The following CD44 variants were observed in gnomAD, a reference collection of about 807,000 sequenced individuals.
CD44 encodes CD44 molecule (IN blood group).
A neutral mutation model predicts 88.8 loss-of-function variants in CD44; 49 were observed. The observed-to-expected ratio is 0.55, with a 90% CI of 0.44 to 0.70. The LOEUF is 0.70. Among genes scored for constraint, CD44 ranks in the 30% least tolerant of loss-of-function variants. The probability of loss-of-function intolerance (pLI) is 0.00; values close to 1 mark genes in which losing one functional copy is unlikely to be tolerated. For synonymous variants in CD44, 325 were observed against 312.3 expected (o/e 1.04, Z -0.43); for missense variants, 883 against 913.8 (o/e 0.97, Z 0.43).
chr11:35,176,894 G>C, intron 2 of CD44, 154 bp downstream of exon 2: 1 of 657,408 alleles, frequency 1.5e-6, no homozygotes, highest in Non-Finnish European at 2.5e-6. Context: ...TCTGCAACCT[G>C]TATGACAACT....
intron 3 of CD44, among the ~76,000 whole-genome samples, chr11:35,181,935 AAT>A (rs1945142918): frequency 2.1e-5 from 1 of 46,916 alleles, no homozygotes; most frequent in South Asian, 6.2e-4. Context: ...ATTATATATA[AAT>A]TATATATAAT....
intron 13 of CD44, chr11:35,210,403 C>T (rs1324399387): frequency 6.4e-6 from 1 of 155,268 alleles, no homozygotes; most frequent in Non-Finnish European, 1.4e-5. Context: ...AAATTTAGTG[C>T]TATAAATTTC....
rs1386259610 is a variant in CD44 at position 35,201,768 on chromosome 11, C to G, written c.1134C>G (p.Thr378=). 3 of 1,613,534 alleles carry G rather than the reference C, an allele frequency of 1.9e-6. No individual in the cohort carries two copies. The African/African-American group carries it at 4.0e-5, about 22-fold the overall frequency. The change falls in exon 9 of 18, where the codon ACC becomes ACG. Residue 378 remains threonine (T), a synonymous_variant. Transcript: ENST00000428726. ...ATGAGCATCATGAGGAAGAAGAGAC[C>G]CCACATTCTACAAGCACAAGTAAGC... ...IHHEHHEEEE[T]PHSTSTIQAT...
At chr11:35,207,309 A>G (rs145102577) in intron 11 of CD44, among the ~76,000 whole-genome samples, 2 of 152,296 alleles carry the variant, frequency 1.3e-5, no homozygotes, top group East Asian at 1.9e-4. Context: ...GACTGATTAA[A>G]TCTCCCCCAG....
chr11:35,179,185 G>A (rs544230742), intron 2 of CD44, among the ~76,000 whole-genome samples: 4 of 152,300 alleles, frequency 2.6e-5, no homozygotes, highest in East Asian at 1.9e-4. Flanking sequence ...TCCATGGGTC[G>A]TGCAGGGTGA....
At chr11:35,150,567 T>G (rs1358289032) in intron 1 of CD44, among the ~76,000 whole-genome samples, 1 of 152,230 alleles carries the variant, frequency 6.6e-6, no homozygotes, top group East Asian at 1.9e-4. Flanking sequence ...AGTCACTGAA[T>G]GTCCTTCGTC....
chr11:35,140,283 C>G (rs536902168), intron 1 of CD44, among the ~76,000 whole-genome samples: 1 of 152,182 alleles, frequency 6.6e-6, no homozygotes, highest in Non-Finnish European at 1.5e-5. Flanking sequence ...TATTCTAGCA[C>G]GGCTCAACTC....
In CD44 at chr11:35,229,884, G is replaced by T. The variant is rs1949974311; in HGVS notation, c.*551G>T. 6.5e-6 allele frequency: 1 copy of T among 154,804 alleles called. No individual in the cohort carries two copies. Among genetic ancestry groups the T allele is most frequent in the East Asian group, 1.9e-4 (1 of 5,244 alleles). 9.6% of individuals were successfully genotyped at this position (154,804 alleles called of 1,614,324 possible). On this transcript the variant is annotated 3_prime_UTR_variant, in exon 18 of 18. Transcript: ENST00000428726. ...ACCCAAAGGGTGAAGCTATTTATCT[G>T]TAGTAAACTATTTATCTGTGTTTTT...
intron 15 of CD44, among the ~76,000 whole-genome samples, chr11:35,216,904 A>T (rs1399089801): frequency 2.6e-5 from 4 of 152,326 alleles, no homozygotes; most frequent in Non-Finnish European, 4.4e-5. Flanking sequence ...GTTTATATGC[A>T]CATTAAAATT....
At chr11:35,161,291 T>A (rs77232913) in intron 1 of CD44, among the ~76,000 whole-genome samples, 2,423 of 152,298 alleles carry the variant, frequency 0.016, 68 homozygotes, top group African/African-American at 0.055. Flanking sequence ...ATTTTACTGA[T>A]GAAGAGACTG....
chr11:35,148,149 T>C (rs1590888798), intron 1 of CD44, among the ~76,000 whole-genome samples: 1 of 151,736 alleles, frequency 6.6e-6, no homozygotes, highest in South Asian at 2.1e-4. Flanking sequence ...ACACCTGGTC[T>C]CCTGCGTTTG....
Position 35,219,340 on chromosome 11 carries a change from G to T in CD44, c.1898G>T (p.Gly633Val). 6.2e-7 allele frequency: 1 copy of T among 1,613,860 alleles called. No homozygotes were observed. The highest frequency in any genetic ancestry group is 8.5e-7 in the Non-Finnish European group (1 of 1,179,850). The stretch of plus-strand genomic sequence containing the variant: ...GGACACTCACATGGGAGTCAAGAAG[G>T]TGGAGCAAACACAACCTCTGGTCCT... ...SDGHSHGSQE[G>V]GANTTSGPIR... Residue 633 changes from glycine (G) to valine (V), a missense_variant, in exon 16 of 18, where the codon GGT (glycine) becomes GTT (valine). Coordinates refer to ENST00000428726, the MANE Select transcript of CD44 (RefSeq NM_000610.4).
At position 35,139,390 on chromosome 11, in the gene CD44, T is replaced by G; in HGVS notation, c.67+20T>G. On this transcript the variant is annotated intron_variant, in intron 1 of 17. Coordinates refer to ENST00000428726, the MANE Select transcript of CD44 (RefSeq NM_000610.4). ...AGATCGGTGAGTGCCCGCCGCAGCC[T>G]GGGCAGCAAGATGGGTGCGGGGTGC... 1 of 1,554,276 alleles carries G rather than the reference T, an allele frequency of 6.4e-7. No individual in the cohort carries two copies. Among genetic ancestry groups the G allele is most frequent in the Non-Finnish European group, 8.7e-7 (1 of 1,147,936 alleles).
intron 4 of CD44, among the ~76,000 whole-genome samples, chr11:35,187,356 T>C (rs1018653825): frequency 1.4e-4 from 22 of 152,356 alleles, no homozygotes; most frequent in East Asian, 1.3e-3. Context: ...CCCTTCCTTT[T>C]TTTCTGCAAT....
chr11:35,215,650 G>A (rs1296666158), intron 15 of CD44, among the ~76,000 whole-genome samples: 3 of 152,024 alleles, frequency 2.0e-5, no homozygotes, highest in South Asian at 2.1e-4. Context: ...TTAGGAGGCC[G>A]AGGCAGGTGG....
At chr11:35,164,259 C>T (rs1280536348) in intron 1 of CD44, among the ~76,000 whole-genome samples, 1 of 151,922 alleles carries the variant, frequency 6.6e-6, no homozygotes, top group African/African-American at 2.4e-5. Context: ...AAGTGTTATC[C>T]TGGGGTTTGA....
At chr11:35,195,896 G>A (rs1212424822) in intron 5 of CD44, among the ~76,000 whole-genome samples, 2 of 152,110 alleles carry the variant, frequency 1.3e-5, no homozygotes, top group East Asian at 1.9e-4. Context: ...CCTTGGGCAA[G>A]GTTGTGAGAG....
At chr11:35,144,804 G>A (rs1176744288) in intron 1 of CD44, among the ~76,000 whole-genome samples, 1 of 152,224 alleles carries the variant, frequency 6.6e-6, no homozygotes, top group Non-Finnish European at 1.5e-5. Flanking sequence ...ATGACTTAAT[G>A]TAATTGAAAG....
At chr11:35,176,455 G>A in intron 1 of CD44, 120 bp from the exon 2 acceptor site, 1 of 811,712 alleles carries the variant, frequency 1.2e-6, no homozygotes, top group Non-Finnish European at 1.9e-6. Context: ...TGGGATTGTA[G>A]GCATGAGCCA....
Sources: allele counts gnomAD v4.1 joint callset (sites outside exome capture counted in the v4.1 genomes callset), GRCh38; gene constraint gnomAD v4.1.1; transcripts MANE v1.5; gene names NCBI Gene and HGNC (gene_info 2026-07-23, HGNC 2026-07-21).